COL6A1: variants seen among roughly 807,000 people sequenced by gnomAD.
COL6A1 encodes the protein collagen type VI alpha 1 chain.
A neutral mutation model predicts 145.6 loss-of-function variants in COL6A1; 80 were observed. That is an observed-to-expected ratio of 0.55 (90% CI 0.46 to 0.66). The LOEUF (loss-of-function observed/expected upper bound fraction) is 0.66, where lower values mean the gene tolerates loss of function less well. Ranked by LOEUF, COL6A1 falls within the 30% of genes least tolerant of loss-of-function variation. COL6A1 has a pLI of 0.00. For synonymous variants in COL6A1, 638 were observed against 622.8 expected (o/e 1.02, Z -0.36); for missense variants, 1,364 against 1,473.8 (o/e 0.93, Z 1.22).
intron 19 of COL6A1, among the ~76,000 whole-genome samples, chr21:45,993,524 G>C (rs1026234660): frequency 3.3e-5 from 5 of 152,246 alleles, no homozygotes; most frequent in Non-Finnish European, 2.9e-5. Context: ...CCCCTTGTCC[G>C]AGAATCAAGA....
At position 46,002,235 on chromosome 21, in the gene COL6A1, A is replaced by T. The variant is rs2077850654; in HGVS notation, c.2084A>T (p.Gln695Leu). 6.2e-7 allele frequency: 1 copy of T among 1,602,856 alleles called. No homozygotes were observed. Among genetic ancestry groups the T allele is most frequent in the South Asian group, 1.1e-5 (1 of 89,802 alleles). Residue 695 changes from glutamine to leucine, a missense_variant, in exon 32 of 35, where the codon CAG becomes CTG. Around this residue, in one of 3 missense-constraint regions of COL6A1, gnomAD observed 938 missense variants for 1,003.8 expected, o/e 0.93. Transcript: ENST00000361866. ...CTATGCAGAGCCATCAAGAGCCTGC[A>T]GTGGATGGCGGGCGGCACCTTCACG... ...QELKEAIKSL[Q>L]WMAGGTFTGE...
At chr21:45,997,996 G>T in intron 22 of COL6A1, 125 bp from the exon 23 acceptor site, 1 of 1,303,650 alleles carries the variant, frequency 7.7e-7, no homozygotes, top group Non-Finnish European at 1.1e-6. Context: ...GTGGCCCCAG[G>T]GGAGGGAGCC....
rs1028714470 is a variant in COL6A1 at position 45,994,935 on chromosome 21, C to T, written c.1398+706C>T. Among the ~76,000 whole-genome samples the T allele has an allele frequency of 2.0e-5, 3 of 152,226 alleles. No individual in the cohort carries two copies. The highest frequency in any genetic ancestry group is 4.8e-5 in the African/African-American group (2 of 41,472). Reference sequence around the variant, plus strand: ...AGCTTGTCTGCTTCTGTGGACAAATCGACCTTACGGCTCCATGTGCGCAGC... The same window carrying T: ...AGCTTGTCTGCTTCTGTGGACAAATTGACCTTACGGCTCCATGTGCGCAGC... On this transcript the variant is annotated intron_variant, in intron 20 of 34. Transcript: ENST00000361866. This position sits in a 1 kb window ranked among gnomAD's most constrained non-coding sequence, Gnocchi z 6.8.
chr21:46,004,044 C>T lies in COL6A1; in HGVS notation c.*31C>T, dbSNP rs765561145. On this transcript the variant is annotated 3_prime_UTR_variant, in exon 35 of 35. Transcript: ENST00000361866. The stretch of plus-strand genomic sequence containing the variant: ...CCTGCACGCCGGCACCAAACCCTGT[C>T]CTCCCACCCCTCCCCACTCATCACT... 3 of 1,612,246 alleles carry T rather than the reference C, an allele frequency of 1.9e-6. No homozygotes were observed. Among genetic ancestry groups the T allele is most frequent in the African/African-American group, 1.3e-5 (1 of 75,064 alleles).
chr21:45,992,041 G>A lies in COL6A1; in HGVS notation c.1151G>A (p.Arg384Lys). 17 of 1,607,512 alleles carry A rather than the reference G, an allele frequency of 1.1e-5. No individual in the cohort carries two copies. The highest frequency in any genetic ancestry group is 1.3e-5 in the Non-Finnish European group (15 of 1,177,610). The stretch of plus-strand genomic sequence containing the variant: ...CCTGGAGCTGACGGGGAGGCGGGGA[G>A]ACCAGGGAGCTCGGGACCATCTGGA... The part of the protein sequence containing the change: ...GEPGADGEAG[R>K]PGSSGPSGDE... Residue 384 changes from arginine (R) to lysine (K), a missense_variant, in exon 16 of 35, where the codon AGA (arginine) becomes AAA (lysine). By Grantham distance (26) the Arg-to-Lys change is conservative (BLOSUM62 2). Around this residue, in one of 3 missense-constraint regions of COL6A1, gnomAD observed 938 missense variants for 1,003.8 expected, o/e 0.93. Coordinates refer to ENST00000361866, the MANE Select transcript of COL6A1 (RefSeq NM_001848.3).
Position 46,004,752 on chromosome 21 carries a change from G to A in COL6A1, c.*739G>A. ...GACCAGCACTGACCCCGACCTCAGA[G>A]AGTACTCGCAGGGGCGCTGGCTGCA... On this transcript the variant is annotated 3_prime_UTR_variant, in exon 35 of 35. Transcript: ENST00000361866. The A allele has an allele frequency of 2.3e-6, 1 of 442,906 alleles. No homozygotes were observed. The highest frequency in any genetic ancestry group is 4.6e-6 in the Non-Finnish European group (1 of 218,476). 27.4% of individuals were successfully genotyped at this position (442,906 alleles called of 1,614,324 possible). A position where few individuals can be genotyped will look rare whatever the true frequency, so the allele number is the denominator to read the frequency against.
In COL6A1 at chr21:45,990,835, C is replaced by G; in HGVS notation, c.1056+9C>G. 2 of 1,613,288 alleles carry G rather than the reference C, an allele frequency of 1.2e-6. No individual in the cohort carries two copies. Among genetic ancestry groups the G allele is most frequent in the Non-Finnish European group, 1.7e-6 (2 of 1,179,900 alleles). ...GCTCGCCCGGGTTTGACGTAAGTCACTTCCTCTCACTGATACTTTAAAACT... is the reference window on the plus strand; with the variant it reads ...GCTCGCCCGGGTTTGACGTAAGTCAGTTCCTCTCACTGATACTTTAAAACT... On this transcript the variant is annotated intron_variant, in intron 14 of 34. Coordinates refer to ENST00000361866, the MANE Select transcript of COL6A1 (RefSeq NM_001848.3).
At chr21:45,997,897 G>A in intron 22 of COL6A1, 135 bp downstream of exon 22, 2 of 1,137,954 alleles carry the variant, frequency 1.8e-6, no homozygotes, top group Non-Finnish European at 1.2e-6. Context: ...CTGGCTCCTG[G>A]CCACAGTCGG....
At position 45,991,042 on chromosome 21, in the gene COL6A1, G is replaced by A; in HGVS notation, c.1119+1G>A. On this transcript the variant is annotated splice_donor_variant, in intron 15 of 34. Coordinates refer to ENST00000361866, the MANE Select transcript of COL6A1 (RefSeq NM_001848.3). LOFTEE classifies it high-confidence loss of function. Reference sequence around the variant, plus strand: ...TGCCTTTGGACTGAAAGGAGAAAAGGTGAGTGACTTGCGGCCCCTGGAGGA... The same window carrying A: ...TGCCTTTGGACTGAAAGGAGAAAAGATGAGTGACTTGCGGCCCCTGGAGGA... The A allele has an allele frequency of 6.2e-7, 1 of 1,613,218 alleles. No individual in the cohort carries two copies. Among genetic ancestry groups the A allele is most frequent in the Non-Finnish European group, 8.5e-7 (1 of 1,179,880 alleles).
chr21:46,002,805 G>T (rs551587707), intron 33 of COL6A1, 95 bp downstream of exon 33: 2 of 1,398,372 alleles, frequency 1.4e-6, no homozygotes, highest in South Asian at 2.4e-5. Context: ...ACGCGGGGCC[G>T]CCCGGGCAGT....
chr21:45,984,387 A>C lies in COL6A1; in HGVS notation c.346A>C (p.Ser116Arg). ...MPGGRDALKS[S>R]VDAVKYFGKG... ...TGGCGGCCGCGACGCACTCAAAAGCAGCGTGGACGCGGTCAAGTACTTTGG... is the reference window on the plus strand; with the variant it reads ...TGGCGGCCGCGACGCACTCAAAAGCCGCGTGGACGCGGTCAAGTACTTTGG... Residue 116 changes from serine to arginine, a missense_variant, in exon 3 of 35, where the codon AGC becomes CGC. Ser to Arg is a moderately radical substitution (Grantham distance 110). Around this residue, in one of 3 missense-constraint regions of COL6A1, gnomAD observed 414 missense variants for 437.6 expected, o/e 0.95. Transcript: ENST00000361866. 6.2e-7 allele frequency: 1 copy of C among 1,612,768 alleles called. No homozygotes were observed. The highest frequency in any genetic ancestry group is 8.5e-7 in the Non-Finnish European group (1 of 1,179,948).
chr21:45,997,569 C>T (rs2077812922), intron 21 of COL6A1, 86 bp downstream of exon 21: 2 of 1,543,052 alleles, frequency 1.3e-6, no homozygotes, highest in Non-Finnish European at 1.8e-6. Context: ...TGGCCCCGTG[C>T]CCTCTGAGGA....
At chr21:45,999,002 A>C in intron 25 of COL6A1, 43 bp downstream of exon 25, 1 of 1,549,218 alleles carries the variant, frequency 6.5e-7, no homozygotes, top group Non-Finnish European at 8.7e-7. Flanking sequence ...AGTCCACCTG[A>C]GCCAGAGGGC....
In COL6A1 at chr21:45,986,646, C is replaced by T. The variant is rs398123636; in HGVS notation, c.549C>T (p.Gly183=). ...CTGTGAACGAGGCCAAGCACCTGGG[C>T]GTCAAAGTCTTCTCGGTGGCCATCA... ...EDAVNEAKHL[G]VKVFSVAITP... Residue 183 remains glycine (G), a synonymous_variant, in exon 4 of 35, where the codon GGC becomes GGT. Transcript: ENST00000361866. 7.7e-6 allele frequency: 12 copies of T among 1,551,784 alleles called. No homozygotes were observed. In the East Asian group the frequency reaches 1.2e-4, roughly 16 times the overall value.
At position 46,004,105 on chromosome 21, in the gene COL6A1, A is replaced by G; in HGVS notation, c.*92A>G. The stretch of plus-strand genomic sequence containing the variant: ...AAATGTGATGCGAATTTTCCCGACC[A>G]ACCTGATTCGCTAGATTTTTTTTAA... On this transcript the variant is annotated 3_prime_UTR_variant, in exon 35 of 35. Transcript: ENST00000361866. 1.3e-6 allele frequency: 2 copies of G among 1,518,970 alleles called. No individual in the cohort carries two copies. Among genetic ancestry groups the G allele is most frequent in the Non-Finnish European group, 1.8e-6 (2 of 1,109,906 alleles). The allele number at this position is 1,518,970 out of a possible 1,614,324, so 94.1% of individuals were successfully genotyped here.
In COL6A1 at chr21:46,001,950, C is replaced by T. The variant is rs8132521; in HGVS notation, c.1957-11C>T. ...AGCACTCGCGTCCTGACCCCGGTGC[C>T]GGTCCCACAGTTCGAGCCAGGGCAG... On this transcript the variant is annotated splice_polypyrimidine_tract_variant and intron_variant, in intron 30 of 34. Coordinates refer to ENST00000361866, the MANE Select transcript of COL6A1 (RefSeq NM_001848.3). 0.3 allele frequency: 489,267 copies of T among 1,609,230 alleles called. 80,183 individuals are homozygous for T. The highest frequency in any genetic ancestry group is 0.62 in the East Asian group (27,919 of 44,742).
Position 46,004,513 on chromosome 21 carries a change from T to C in COL6A1, c.*500T>C. 3.2e-6 allele frequency: 1 copy of C among 309,900 alleles called. No homozygotes were observed. The highest frequency in any genetic ancestry group is 6.7e-6 in the Non-Finnish European group (1 of 150,210). 19.2% of individuals were successfully genotyped at this position (309,900 alleles called of 1,614,324 possible). A position where few individuals can be genotyped will look rare whatever the true frequency, so the allele number is the denominator to read the frequency against. ...CTCCTCTGTCCCCATAGCTGGTTTT[T>C]CCCACCAATCCTCACCTAACAGTTA... On this transcript the variant is annotated 3_prime_UTR_variant, in exon 35 of 35. Coordinates refer to ENST00000361866, the MANE Select transcript of COL6A1 (RefSeq NM_001848.3).
In COL6A1 at chr21:46,002,992, C is replaced by T. The variant is rs1325989843; in HGVS notation, c.2435-128C>T. 60 of 1,396,032 alleles carry T rather than the reference C, an allele frequency of 4.3e-5. 1 individual carries two copies. Among genetic ancestry groups the T allele is most frequent in the Non-Finnish European group, 3.6e-5 (36 of 995,060 alleles). 86.5% of individuals were successfully genotyped at this position (1,396,032 alleles called of 1,614,324 possible). On this transcript the variant is annotated intron_variant, in intron 33 of 34. Transcript: ENST00000361866. ...CTGGGGCTGTCCCACAGGCATCCTCCTCCCGGCTCGCTGTGACTTCCGGGG... is the reference window on the plus strand; with the variant it reads ...CTGGGGCTGTCCCACAGGCATCCTCTTCCCGGCTCGCTGTGACTTCCGGGG...
chr21:46,001,124 C>T (rs2077842167), intron 29 of COL6A1, 129 bp from the exon 30 acceptor site: 2 of 1,328,200 alleles, frequency 1.5e-6, no homozygotes, highest in East Asian at 4.9e-5. Context: ...TTTTCTGGGG[C>T]TGAGACGGGG....
Sources: allele counts gnomAD v4.1 joint callset (sites outside exome capture counted in the v4.1 genomes callset), GRCh38; gene constraint gnomAD v4.1.1; regional missense constraint gnomAD v4.1.1; non-coding constraint Gnocchi (gnomAD v3.1); transcripts MANE v1.5; gene names NCBI Gene and HGNC (gene_info 2026-07-23, HGNC 2026-07-21).